Variants in ARL13A observed in about 807,000 individuals in gnomAD.
The protein encoded by ARL13A is ARF like GTPase 13A.
Under a neutral mutation model 19.1 loss-of-function variants are expected in ARL13A, and 16 were observed. The ratio of observed to expected loss-of-function variants is 0.84; its 90% CI spans 0.57 to 1.27. The LOEUF is 1.27. Among genes scored for constraint, ARL13A ranks in the 50% most tolerant of loss-of-function variants. The probability of loss-of-function intolerance (pLI) is 0.00; values close to 1 mark genes in which losing one functional copy is unlikely to be tolerated. For synonymous variants in ARL13A, 69 were observed against 71.3 expected (o/e 0.97, Z 0.17); for missense variants, 153 against 186.4 (o/e 0.82, Z 1.04).
chrX:100,986,539 T>C (rs984721184), intron 4 of ARL13A, among the ~76,000 whole-genome samples: 2 of 112,217 alleles, frequency 1.8e-5, no homozygotes, highest in Non-Finnish European at 1.9e-5. Flanking sequence ...GATAGCATAA[T>C]GTAGGGGAAG....
At chrX:100,973,268 G>A (rs1166424152) in intron 1 of ARL13A, among the ~76,000 whole-genome samples, 1 of 73,396 alleles carries the variant, frequency 1.4e-5, no homozygotes, top group Non-Finnish European at 2.6e-5. Flanking sequence ...CATCCCAGAC[G>A]ATGGGCGGCC....
chrX:100,984,862 T>C (rs1221145202), intron 3 of ARL13A, among the ~76,000 whole-genome samples: 1 of 112,327 alleles, frequency 8.9e-6, no homozygotes, highest in Non-Finnish European at 1.9e-5. Flanking sequence ...TTCATTCATT[T>C]ATCAGATTAA....
At chrX:100,987,674 G>A in intron 6 of ARL13A, 118 bp downstream of exon 6, 1 of 815,033 alleles carries the variant, frequency 1.2e-6, no homozygotes, top group Non-Finnish European at 1.7e-6. Context: ...CAAGTCTCTT[G>A]ATATCATTGG....
chrX:100,988,436 A>C (rs771214247), intron 7 of ARL13A, 153 bp downstream of exon 7: 15 of 1,198,375 alleles, frequency 1.3e-5, no homozygotes, highest in Non-Finnish European at 1.6e-5. Flanking sequence ...GCTTTAGATG[A>C]ACCCATGAAA....
chrX:100,981,886 T>G (rs184880618), intron 3 of ARL13A, among the ~76,000 whole-genome samples: 10 of 107,716 alleles, frequency 9.3e-5, no homozygotes, highest in Non-Finnish European at 1.7e-4. Flanking sequence ...TGAAGGTGCT[T>G]TCATGTGGAT....
intron 3 of ARL13A, among the ~76,000 whole-genome samples, chrX:100,980,554 C>T (rs1311807198): frequency 9.0e-6 from 1 of 110,853 alleles, no homozygotes; most frequent in Admixed American, 9.6e-5. Context: ...GAATCAGGGA[C>T]TTCAGGAGTC....
intron 3 of ARL13A, among the ~76,000 whole-genome samples, chrX:100,983,481 C>T (rs1451223288): frequency 9.1e-6 from 1 of 110,010 alleles, no homozygotes; most frequent in Non-Finnish European, 1.9e-5. Context: ...TTCAGCCTCC[C>T]GAGTAGCTAG....
chrX:100,987,441 G>A lies in ARL13A; in HGVS notation c.538G>A (p.Val180Ile). Residue 180 changes from valine (V) to isoleucine (I), a missense_variant, in exon 6 of 8, where the codon GTT (valine) becomes ATT (isoleucine). Physicochemically the swap from Val to Ile is conservative, Grantham distance 29. Transcript: ENST00000450049. ...TGAAAGAAGAAACCATCAGCCCATA[G>A]TTGAAGGACTGCGCTGGCTATTAGC... ...NLERRNHQPI[V>I]EGLRWLLAVI... 1 of 1,211,269 alleles carries A rather than the reference G, an allele frequency of 8.3e-7. No homozygotes were observed. Among genetic ancestry groups the A allele is most frequent in the Non-Finnish European group, 1.1e-6 (1 of 895,332 alleles).
chrX:100,988,579 A>G (rs767433968), intron 7 of ARL13A: 2 of 974,497 alleles, frequency 2.1e-6, no homozygotes, highest in Admixed American at 4.4e-5. Flanking sequence ...ATCAGTGGTT[A>G]GAGAAGAAAA....
intron 7 of ARL13A, among the ~76,000 whole-genome samples, chrX:100,988,995 G>A (rs2085981824): frequency 9.2e-6 from 1 of 108,268 alleles, no homozygotes. Context: ...TTTAATCACA[G>A]CACTGTGTAC....
intron 3 of ARL13A, among the ~76,000 whole-genome samples, chrX:100,981,847 G>A (rs2085861488): frequency 9.4e-6 from 1 of 106,085 alleles, no homozygotes. Context: ...ACCAGGTACT[G>A]TGATCGCTCA....
At chrX:100,975,669 G>A (rs1387299648) in intron 3 of ARL13A, among the ~76,000 whole-genome samples, 1 of 97,024 alleles carries the variant, frequency 1.0e-5, no homozygotes, top group African/African-American at 3.9e-5. Context: ...GTCTTGTTCT[G>A]TTGCCCAGGC....
At chrX:100,971,514 A>C (rs1402065579) in intron 1 of ARL13A, among the ~76,000 whole-genome samples, 220 of 92,477 alleles carry the variant, frequency 2.4e-3, no homozygotes, top group African/African-American at 9.5e-3. Flanking sequence ...ATTTTGAAGA[A>C]AGTTACTCAT....
At chrX:100,974,016 T>C (rs1173482016) in intron 2 of ARL13A, 111 bp from the exon 3 acceptor site, 1 of 651,677 alleles carries the variant, frequency 1.5e-6, no homozygotes, top group Non-Finnish European at 2.4e-6. Context: ...GTACATGCAT[T>C]GAGATTACTG....
rs1437526578 is a variant in ARL13A at position 100,972,673 on chromosome X, CA to C, written c.-14-1002del. Reference sequence around the variant, plus strand: ...CTGGCCGGGCGGGGGGGCTGACCCCCACCCACCTCCCTCCCGGACGGGGCGG... The same window carrying C: ...CTGGCCGGGCGGGGGGGCTGACCCCCCCCACCTCCCTCCCGGACGGGGCGG... On this transcript the variant is annotated intron_variant, in intron 1 of 7. Transcript: ENST00000450049. 1.0e-2 allele frequency among the ~76,000 whole-genome samples: 36 copies of C among 3,607 alleles called. 10 individuals are homozygous for C. Among genetic ancestry groups the C allele is most frequent in the Non-Finnish European group, 0.012 (23 of 1,841 alleles). 3.1% of individuals were successfully genotyped at this position (3,607 alleles called of 115,157 possible).
At chrX:100,971,718 C>CTT (rs777239339) in intron 1 of ARL13A, among the ~76,000 whole-genome samples, 3 of 14,560 alleles carry the variant, frequency 2.1e-4, no homozygotes, top group Non-Finnish European at 2.1e-4. Context: ...CTTTCATTTT[C>CTT]TTTTTTTTTT....
At chrX:100,985,129 A>T (rs2085917712) in intron 3 of ARL13A, among the ~76,000 whole-genome samples, 1 of 112,158 alleles carries the variant, frequency 8.9e-6, no homozygotes, top group Non-Finnish European at 1.9e-5. Flanking sequence ...AGCAAAGAGT[A>T]GAAGTGTTCT....
rs746968503 is a variant in ARL13A at position 100,986,964 on chromosome X, T to G, written c.486+63T>G. The G allele has an allele frequency of 5.3e-4, 412 of 782,149 alleles. 2 individuals carry two copies. Among genetic ancestry groups the G allele is most frequent in the South Asian group, 1.3e-3 (46 of 34,185 alleles). The allele number at this position is 782,149 out of a possible 1,213,427, so 64.5% of individuals were successfully genotyped here. On this transcript the variant is annotated intron_variant, in intron 5 of 7. Coordinates refer to ENST00000450049, the MANE Select transcript of ARL13A (RefSeq NM_001162491.2). ...CCCAGCTGATGCAGCCCTTGGCCCA[T>G]TCTATAGTCAGTCCCATATGTTGGG...
At position 100,969,843 on chromosome X, in the gene ARL13A, G is replaced by C. The variant is rs191827836; in HGVS notation, c.-15+34G>C. 5 of 112,602 alleles carry C rather than the reference G, an allele frequency of 4.4e-5. No individual in the cohort carries two copies. In the East Asian group the frequency reaches 1.4e-3, roughly 31 times the overall value. The allele number at this position is 112,602 out of a possible 1,213,427, so 9.3% of individuals were successfully genotyped here. ...AATATGTCACTATCTTCATTTTACA[G>C]ATAAGAAATTTGGAAATGGTAGGTT... On this transcript the variant is annotated intron_variant, in intron 1 of 7. Coordinates refer to ENST00000450049, the MANE Select transcript of ARL13A (RefSeq NM_001162491.2).
Sources: gnomAD v4.1 joint callset for allele counts (sites outside exome capture counted in the v4.1 genomes callset) on GRCh38, gnomAD v4.1.1 for gene constraint, MANE v1.5 for transcripts, NCBI Gene and HGNC (gene_info 2026-07-23, HGNC 2026-07-21) for gene names.